The following LTBP1 variants were observed in gnomAD, a reference collection of about 807,000 sequenced individuals.
The protein encoded by LTBP1 is latent transforming growth factor beta binding protein 1, also known as latent-transforming growth factor beta-binding protein 1.
Under a neutral mutation model 207.6 loss-of-function variants are expected in LTBP1, and 129 were observed. The observed-to-expected ratio is 0.62, with a 90% CI of 0.54 to 0.72. The LOEUF (loss-of-function observed/expected upper bound fraction) is 0.72, where lower values mean the gene tolerates loss of function less well. Among genes scored for constraint, LTBP1 ranks in the 30% least tolerant of loss-of-function variants. The pLI is 0.00. For missense variants in LTBP1, 2,281 were observed against 2,217.2 expected (o/e 1.03, Z -0.58); for synonymous variants, 963 against 833.7 (o/e 1.16, Z -2.67).
rs112526636 is a variant in LTBP1 at position 33,321,303 on chromosome 2, A to G, written c.3730+6034A>G. Among the ~76,000 whole-genome samples, 239 of 152,340 alleles carry G rather than the reference A, an allele frequency of 1.6e-3. 2 individuals carry two copies. The highest frequency in any genetic ancestry group is 5.3e-3 in the African/African-American group (222 of 41,576). ...CCCATAACCTTCTTAGGTATTTACT[A>G]TAAATCACTCCTTGCTTACACATTC... On this transcript the variant is annotated intron_variant, in intron 24 of 33. Transcript: ENST00000404816.
chr2:32,957,069 G>A (rs1678195409), intron 2 of LTBP1, among the ~76,000 whole-genome samples: 1 of 151,996 alleles, frequency 6.6e-6, no homozygotes, highest in South Asian at 2.1e-4. Context: ...CATTTACAGA[G>A]CACAGGCGAA....
intron 5 of LTBP1, among the ~76,000 whole-genome samples, chr2:33,143,113 C>G (rs1434039285): frequency 6.6e-6 from 1 of 152,172 alleles, no homozygotes; most frequent in African/African-American, 2.4e-5. Context: ...GTGTCTTGTG[C>G]TCCTGTGTCT....
intron 3 of LTBP1, among the ~76,000 whole-genome samples, chr2:33,068,145 A>G (rs924184848): frequency 1.9e-4 from 21 of 108,280 alleles, no homozygotes; most frequent in African/African-American, 7.6e-4. Context: ...GCAGAGTAAC[A>G]TTTGCGATTC....
intron 2 of LTBP1, among the ~76,000 whole-genome samples, chr2:33,018,658 ACT>A (rs1237088311): frequency 2.0e-5 from 3 of 152,032 alleles, no homozygotes; most frequent in African/African-American, 4.8e-5. Context: ...TGGTCAGGAA[ACT>A]CTGATAGTTA....
chr2:33,240,738 C>G (rs189799802), intron 9 of LTBP1, among the ~76,000 whole-genome samples: 1 of 150,766 alleles, frequency 6.6e-6, no homozygotes, highest in African/African-American at 2.4e-5. Context: ...CCAAGCTCCA[C>G]CTCTCAGGTT....
intron 3 of LTBP1, among the ~76,000 whole-genome samples, chr2:33,029,359 C>T (rs2075582289): frequency 6.6e-6 from 1 of 152,118 alleles, no homozygotes; most frequent in African/African-American, 2.4e-5. Flanking sequence ...TGCCTGTAAT[C>T]CCAGCTACTC....
At chr2:33,075,726 T>G (rs2078043973) in intron 3 of LTBP1, among the ~76,000 whole-genome samples, 1 of 152,194 alleles carries the variant, frequency 6.6e-6, no homozygotes, top group Admixed American at 6.5e-5. Flanking sequence ...TTTTTGTCAA[T>G]GGGGGTTATT....
chr2:33,011,307 A>G (rs1252652791), intron 2 of LTBP1, among the ~76,000 whole-genome samples: 1 of 152,202 alleles, frequency 6.6e-6, no homozygotes, highest in Non-Finnish European at 1.5e-5. Context: ...GCATTGTTAC[A>G]GAGGTGATGG....
intron 33 of LTBP1, among the ~76,000 whole-genome samples, chr2:33,397,611 A>C (rs943351109): frequency 8.0e-5 from 12 of 149,436 alleles, no homozygotes; most frequent in Middle Eastern, 3.2e-3. Flanking sequence ...AGGTTCAAGC[A>C]ATGCTCCTGC....
At chr2:33,246,113 A>G (rs1205023794) in intron 10 of LTBP1, among the ~76,000 whole-genome samples, 1 of 152,210 alleles carries the variant, frequency 6.6e-6, no homozygotes, top group African/African-American at 2.4e-5. Flanking sequence ...TTCAGCTACA[A>G]CAGCTGAACT....
At chr2:33,040,370 TC>T (rs1240573454) in intron 3 of LTBP1, among the ~76,000 whole-genome samples, 4 of 152,172 alleles carry the variant, frequency 2.6e-5, no homozygotes, top group Non-Finnish European at 5.9e-5. Context: ...AGCTCACAGG[TC>T]AGTGGAAGAC....
At chr2:33,369,959 C>T (rs1488381716) in intron 31 of LTBP1, among the ~76,000 whole-genome samples, 1 of 152,200 alleles carries the variant, frequency 6.6e-6, no homozygotes, top group Non-Finnish European at 1.5e-5. Flanking sequence ...AGAGGAGCCC[C>T]AGGGCATCAG....
intron 19 of LTBP1, among the ~76,000 whole-genome samples, chr2:33,281,179 G>A (rs568899470): frequency 6.6e-6 from 1 of 152,302 alleles, no homozygotes; most frequent in African/African-American, 2.4e-5. Flanking sequence ...GGTACTTACT[G>A]TCTGGTGGGG....
intron 3 of LTBP1, among the ~76,000 whole-genome samples, chr2:33,054,883 C>T (rs1250401753): frequency 6.6e-6 from 1 of 152,184 alleles, no homozygotes; most frequent in Non-Finnish European, 1.5e-5. Flanking sequence ...CCTTCATCCT[C>T]TGGAGCAGTG....
intron 7 of LTBP1, among the ~76,000 whole-genome samples, chr2:33,206,310 T>G (rs2089866834): frequency 6.6e-6 from 1 of 152,232 alleles, no homozygotes; most frequent in African/African-American, 2.4e-5. Context: ...CAGAAAAAAC[T>G]GAAAGCTTAA....
intron 2 of LTBP1, among the ~76,000 whole-genome samples, chr2:32,963,346 A>G (rs1004208290): frequency 2.0e-5 from 3 of 150,938 alleles, no homozygotes; most frequent in African/African-American, 7.3e-5. Flanking sequence ...CTAGGACTAC[A>G]GATGCATGCC....
At chr2:33,167,330 A>G (rs2085005412) in intron 5 of LTBP1, among the ~76,000 whole-genome samples, 2 of 151,802 alleles carry the variant, frequency 1.3e-5, no homozygotes, top group Non-Finnish European at 2.9e-5. Context: ...CCCAATTAAA[A>G]AAAGTTTCAT....
chr2:33,395,285 A>G (rs2095348739), intron 32 of LTBP1, among the ~76,000 whole-genome samples: 1 of 152,154 alleles, frequency 6.6e-6, no homozygotes, highest in African/African-American at 2.4e-5. Context: ...TCTGATTCAA[A>G]TCCCATGGTT....
At chr2:33,085,157 T>G (rs896985346) in intron 3 of LTBP1, among the ~76,000 whole-genome samples, 1 of 152,024 alleles carries the variant, frequency 6.6e-6, no homozygotes, top group Non-Finnish European at 1.5e-5. Flanking sequence ...CCCTAGAAGC[T>G]GGAAGAGGCA....
Sources: allele counts gnomAD v4.1 joint callset (sites outside exome capture counted in the v4.1 genomes callset), GRCh38; gene constraint gnomAD v4.1.1; transcripts MANE v1.5; gene names NCBI Gene and HGNC (gene_info 2026-07-23, HGNC 2026-07-21).